The following COL4A6 variants were observed in gnomAD, a reference collection of about 807,000 sequenced individuals.
The protein encoded by COL4A6 is collagen alpha-6(IV) chain.
In COL4A6, 59 loss-of-function variants were observed where a neutral mutation model predicts 126.7. The ratio of observed to expected loss-of-function variants is 0.47; its 90% CI spans 0.38 to 0.58. The LOEUF (loss-of-function observed/expected upper bound fraction) is 0.58, where lower values mean the gene tolerates loss of function less well. COL4A6 is among the 20% of genes least tolerant of loss of function. The probability of loss-of-function intolerance (pLI) is 0.00; values close to 1 mark genes in which losing one functional copy is unlikely to be tolerated. For synonymous variants in COL4A6, 547 were observed against 496.6 expected, an observed-to-expected ratio of 1.10 and a Z score of -1.35; for missense variants, 1,285 against 1,337.3, an observed-to-expected ratio of 0.96 and a Z score of 0.61.
At chrX:108,355,580 G>T (rs1172221796) in intron 2 of COL4A6, among the ~76,000 whole-genome samples, 1 of 111,984 alleles carries the variant, frequency 8.9e-6, no homozygotes, top group African/African-American at 3.2e-5. Flanking sequence ...GATAATTACA[G>T]ATGGTGGACA....
chrX:108,229,036 C>T (rs2098292636), intron 3 of COL4A6, among the ~76,000 whole-genome samples: 1 of 111,867 alleles, frequency 8.9e-6, no homozygotes, highest in Admixed American at 9.4e-5. Context: ...ATTCTGTAAG[C>T]GAGGGCCAGT....
At chrX:108,170,165 G>A (rs1008301823) in intron 35 of COL4A6, 149 bp from the exon 36 acceptor site, 26 of 488,316 alleles carry the variant, frequency 5.3e-5, no homozygotes, top group African/African-American at 4.8e-4. Flanking sequence ...CCCTAAGGGA[G>A]AAGAAAACAC....
At chrX:108,277,758 A>C (rs952637917) in intron 3 of COL4A6, among the ~76,000 whole-genome samples, 1 of 111,748 alleles carries the variant, frequency 8.9e-6, no homozygotes, top group African/African-American at 3.3e-5. Context: ...GGGCAGACTG[A>C]CACCTCACAT....
chrX:108,338,266 A>C (rs992318910), intron 2 of COL4A6, among the ~76,000 whole-genome samples: 2 of 112,055 alleles, frequency 1.8e-5, no homozygotes, highest in Non-Finnish European at 3.8e-5. Flanking sequence ...AATTTTCTTC[A>C]AACATCTGAT....
intron 7 of COL4A6, among the ~76,000 whole-genome samples, chrX:108,211,294 A>G (rs2035694308): frequency 8.9e-6 from 1 of 112,190 alleles, no homozygotes; most frequent in South Asian, 3.7e-4. Context: ...GGCCATGTTG[A>G]GATGGGCAGA....
rs192360597 is a variant in COL4A6 at position 108,160,015 on chromosome X, C to G, written c.4526-267G>C. On this transcript the variant is annotated intron_variant, in intron 43 of 44. Transcript: ENST00000334504. Reference sequence around the variant, plus strand: ...TTTGAAAGAAACAGCGTTTAATAGACTGAGTCTGCTTTTAAGATTTAGCAC... The same window carrying G: ...TTTGAAAGAAACAGCGTTTAATAGAGTGAGTCTGCTTTTAAGATTTAGCAC... The G allele has an allele frequency of 1.8e-4, 76 of 423,210 alleles. 1 individual carries two copies. The highest frequency in any genetic ancestry group is 9.1e-4 in the African/African-American group (37 of 40,693). 34.9% of individuals were successfully genotyped at this position (423,210 alleles called of 1,213,427 possible). A position where few individuals can be genotyped will look rare whatever the true frequency, so the allele number is the denominator to read the frequency against.
intron 2 of COL4A6, among the ~76,000 whole-genome samples, chrX:108,320,030 A>T (rs910606051): frequency 2.7e-5 from 3 of 111,782 alleles, no homozygotes; most frequent in African/African-American, 9.8e-5. Context: ...GAATACATAG[A>T]TACAGATGCA....
chrX:108,390,791 C>T (rs1338493364), intron 2 of COL4A6, among the ~76,000 whole-genome samples: 2 of 110,695 alleles, frequency 1.8e-5, no homozygotes, highest in African/African-American at 6.6e-5. Context: ...GCATTGTGAT[C>T]CTTTGGAAGA....
At chrX:108,269,698 A>G (rs1324608860) in intron 3 of COL4A6, among the ~76,000 whole-genome samples, 1 of 112,135 alleles carries the variant, frequency 8.9e-6, no homozygotes, top group Non-Finnish European at 1.9e-5. Flanking sequence ...TTCTTCAAAG[A>G]ACTATAGTAT....
Position 108,179,346 on chromosome X carries a change from A to G in COL4A6, c.2224T>C (p.Leu742=). 1 of 1,211,231 alleles carries G rather than the reference A, an allele frequency of 8.3e-7. No individual in the cohort carries two copies. Among genetic ancestry groups the G allele is most frequent in the African/African-American group, 1.7e-5 (1 of 57,686 alleles). ...GLPGMIGSPG[L]PGSKGATGDI... ...CCAGTGGCTCCCTTGGAACCAGGTA[A>G]GCCTGGACTGCCAATCATCCCAGGC... The change falls in exon 26 of 45, where the codon TTA becomes CTA. Residue 742 remains leucine, a synonymous_variant. Transcript: ENST00000334504.
chrX:108,210,856 T>A (rs1021266924), intron 7 of COL4A6, among the ~76,000 whole-genome samples: 1 of 111,605 alleles, frequency 9.0e-6, no homozygotes, highest in African/African-American at 3.3e-5. Flanking sequence ...ATACCCTAAA[T>A]CTTGTCCGGC....
intron 2 of COL4A6, among the ~76,000 whole-genome samples, chrX:108,382,625 C>T (rs1266831565): frequency 9.1e-6 from 1 of 110,386 alleles, no homozygotes; most frequent in Non-Finnish European, 1.9e-5. Context: ...AGACACATAG[C>T]TAAAAATCCA....
At position 108,246,930 on chromosome X, in the gene COL4A6, C is replaced by G. The variant is rs191028681; in HGVS notation, c.145-25556G>C. ...GTGATTAAAAAATGACAAATATTCA[C>G]TATACCTCATAAAGTTCTTGACATA... On this transcript the variant is annotated intron_variant, in intron 3 of 44. Coordinates refer to ENST00000334504, the MANE Select transcript of COL4A6 (RefSeq NM_033641.4). 7.1e-5 allele frequency among the ~76,000 whole-genome samples: 8 copies of G among 112,036 alleles called. No homozygotes were observed. In the East Asian group the frequency reaches 2.3e-3, roughly 32 times the overall value.
intron 2 of COL4A6, among the ~76,000 whole-genome samples, chrX:108,435,897 G>A (rs2064257152): frequency 2.7e-5 from 3 of 111,702 alleles, no homozygotes; most frequent in African/African-American, 9.8e-5. Flanking sequence ...ACATGGCACA[G>A]AGAATTTAAA....
intron 3 of COL4A6, among the ~76,000 whole-genome samples, chrX:108,287,988 T>C (rs1378196234): frequency 7.1e-5 from 8 of 111,895 alleles, no homozygotes; most frequent in Non-Finnish European, 1.5e-4. Flanking sequence ...CTGAAAACCA[T>C]TGTTTTCCTT....
At chrX:108,377,127 C>T (rs1388347817) in intron 2 of COL4A6, among the ~76,000 whole-genome samples, 2 of 112,547 alleles carry the variant, frequency 1.8e-5, no homozygotes, top group African/African-American at 3.2e-5. Flanking sequence ...AGTAAGAAAA[C>T]GCGTGAACAA....
At chrX:108,436,574 T>A (rs2064270906) in intron 2 of COL4A6, among the ~76,000 whole-genome samples, 1 of 109,822 alleles carries the variant, frequency 9.1e-6, no homozygotes, top group African/African-American at 3.5e-5. Flanking sequence ...TAATCAAATC[T>A]TGGCATTTTC....
chrX:108,420,896 G>A (rs752859515), intron 2 of COL4A6, among the ~76,000 whole-genome samples: 1 of 111,907 alleles, frequency 8.9e-6, no homozygotes, highest in Non-Finnish European at 1.9e-5. Flanking sequence ...GCAAAAAGCT[G>A]AATAAACAAG....
At chrX:108,435,249 C>T (rs1456368903) in intron 2 of COL4A6, among the ~76,000 whole-genome samples, 1 of 111,658 alleles carries the variant, frequency 9.0e-6, no homozygotes, top group Non-Finnish European at 1.9e-5. Context: ...CCTGAAAGCT[C>T]ATTTGGAGGG....
Sources: gnomAD v4.1 joint callset for allele counts (sites outside exome capture counted in the v4.1 genomes callset) on GRCh38, gnomAD v4.1.1 for gene constraint, MANE v1.5 for transcripts, NCBI Gene and HGNC (gene_info 2026-07-23, HGNC 2026-07-21) for gene names.